Variants in CAMK2N2 observed in about 807,000 individuals in gnomAD.
CAMK2N2 encodes the protein calcium/calmodulin-dependent protein kinase II inhibitor 2.
In CAMK2N2, 3 loss-of-function variants were observed where a neutral mutation model predicts 7.8. The ratio of observed to expected loss-of-function variants is 0.38; its 90% confidence interval spans 0.18 to 0.99. CAMK2N2 has a LOEUF of 0.99. CAMK2N2 is among the 50% of genes least tolerant of loss of function. CAMK2N2 has a pLI of 0.37. For synonymous variants in CAMK2N2, 45 were observed against 46.6 expected (o/e 0.97, Z 0.14); for missense variants, 85 against 108.4 (o/e 0.78, Z 0.96).
Position 184,260,100 on chromosome 3 carries a change from C to T in CAMK2N2, c.*57G>A. 1 of 1,060,000 alleles carries T rather than the reference C, an allele frequency of 9.4e-7. No homozygotes were observed. Among genetic ancestry groups the T allele is most frequent in the Non-Finnish European group, 1.2e-6 (1 of 866,866 alleles). The allele number at this position is 1,060,000 out of a possible 1,614,324, so 65.7% of individuals were successfully genotyped here. A position where few individuals can be genotyped will look rare whatever the true frequency, so the allele number is the denominator to read the frequency against. ...GGGCGCCGGCAGCCGCATCGCCGGC[C>T]CGCGCTCCTGGCCGCTGCGAGGCTG... On this transcript the variant is annotated 3_prime_UTR_variant, in exon 2 of 2. Coordinates refer to ENST00000296238, the MANE Select transcript of CAMK2N2 (RefSeq NM_033259.3). The surrounding 1 kb of genome is among the most constrained non-coding windows in gnomAD (Gnocchi z 6.6).
rs941585117 is a variant in CAMK2N2 at position 184,259,789 on chromosome 3, CG to C, written c.*367del. On this transcript the variant is annotated 3_prime_UTR_variant, in exon 2 of 2. Coordinates refer to ENST00000296238, the MANE Select transcript of CAMK2N2 (RefSeq NM_033259.3). ...GCGCGGTCCGACACCGGCGGCCGCCCGGTCTGCAGACCAGACTGGCCGGAGG... is the reference window on the plus strand; with the variant it reads ...GCGCGGTCCGACACCGGCGGCCGCCCGTCTGCAGACCAGACTGGCCGGAGG... The C allele has an allele frequency of 8.2e-6, 1 of 121,562 alleles. No individual in the cohort carries two copies. Among genetic ancestry groups the C allele is most frequent in the Non-Finnish European group, 1.6e-5 (1 of 61,574 alleles). The allele number at this position is 121,562 out of a possible 1,614,324, so 7.5% of individuals were successfully genotyped here.
chr3:184,260,057 G>C lies in CAMK2N2; in HGVS notation c.*100C>G, dbSNP rs1719982773. The C allele has an allele frequency of 1.8e-6, 1 of 566,518 alleles. No homozygotes were observed. Among genetic ancestry groups the C allele is most frequent in the African/African-American group, 2.1e-5 (1 of 48,370 alleles). 35.1% of individuals were successfully genotyped at this position (566,518 alleles called of 1,614,324 possible). On this transcript the variant is annotated 3_prime_UTR_variant, in exon 2 of 2. Coordinates refer to ENST00000296238, the MANE Select transcript of CAMK2N2 (RefSeq NM_033259.3). The surrounding 1 kb of genome is among the most constrained non-coding windows in gnomAD (Gnocchi z 6.6). ...GGCCCTGCAGCCCCCGCCCGCGGGC[G>C]CCTGGGCCGGGGCGGGGGGGCGCCG... is the stretch of plus-strand genomic sequence containing the variant.
chr3:184,261,102 G>C lies in CAMK2N2; in HGVS notation c.169+15C>G. ...TTTCTGGGTCAGGCGGCGACTCCGG[G>C]CCCGGGCCGCGTACCTCGCTTGGCT... is the stretch of plus-strand genomic sequence containing the variant. On this transcript the variant is annotated intron_variant, in intron 1 of 1. Transcript: ENST00000296238. The surrounding 1 kb of genome is among the most constrained non-coding windows in gnomAD (Gnocchi z 5.1). 1 of 1,590,554 alleles carries C rather than the reference G, an allele frequency of 6.3e-7. No individual in the cohort carries two copies. The highest frequency in any genetic ancestry group is 1.7e-5 in the Admixed American group (1 of 58,348).
At position 184,261,366 on chromosome 3, in the gene CAMK2N2, C is replaced by T. The variant is rs1560174073; in HGVS notation, c.-81G>A. 2 of 1,213,062 alleles carry T rather than the reference C, an allele frequency of 1.6e-6. No homozygotes were observed. Among genetic ancestry groups the T allele is most frequent in the African/African-American group, 3.2e-5 (2 of 61,684 alleles). The allele number at this position is 1,213,062 out of a possible 1,614,324, so 75.1% of individuals were successfully genotyped here. On this transcript the variant is annotated 5_prime_UTR_variant, in exon 1 of 2. Coordinates refer to ENST00000296238, the MANE Select transcript of CAMK2N2 (RefSeq NM_033259.3). The surrounding 1 kb of genome is among the most constrained non-coding windows in gnomAD (Gnocchi z 5.1). ...CGGGCTTGCTGCCGGACCGGCCCTA[C>T]CTCAGCAGGGGAGCCGGCGGAAGGA...
At position 184,260,646 on chromosome 3, in the gene CAMK2N2, T is replaced by C. The variant is rs1485616198; in HGVS notation, c.170-419A>G. ...TCCTCAACCTGAGCCCTCTCGCCGCTGGAACCCCTCTTCCGATCCTGGCAC... is the reference window on the plus strand; with the variant it reads ...TCCTCAACCTGAGCCCTCTCGCCGCCGGAACCCCTCTTCCGATCCTGGCAC... On this transcript the variant is annotated intron_variant, in intron 1 of 1. Coordinates refer to ENST00000296238, the MANE Select transcript of CAMK2N2 (RefSeq NM_033259.3). This position sits in a 1 kb window ranked among gnomAD's most constrained non-coding sequence, Gnocchi z 6.6. 6.6e-6 allele frequency among the ~76,000 whole-genome samples: 1 copy of C among 152,058 alleles called. No homozygotes were observed. The highest frequency in any genetic ancestry group is 1.5e-5 in the Non-Finnish European group (1 of 67,994).
Position 184,260,263 on chromosome 3 carries a change from CGGG to C in CAMK2N2, c.170-39_170-37del. 1 of 1,593,586 alleles carries C rather than the reference CGGG, an allele frequency of 6.3e-7. No individual in the cohort carries two copies. The highest frequency in any genetic ancestry group is 8.6e-7 in the Non-Finnish European group (1 of 1,166,278). ...AGAAAGCGCGTCAGCCGCGCGGCCT[CGGG>C]GGGCGGCGGCGATGAGAATGAGCCC... On this transcript the variant is annotated intron_variant, in intron 1 of 1. Coordinates refer to ENST00000296238, the MANE Select transcript of CAMK2N2 (RefSeq NM_033259.3). This position sits in a 1 kb window ranked among gnomAD's most constrained non-coding sequence, Gnocchi z 6.6.
chr3:184,260,478 G>T lies in CAMK2N2; in HGVS notation c.170-251C>A, dbSNP rs73887422. ...CTCCAGCTATTCTCCCTCCCAGTGC[G>T]AGCCCTCCTGCCACCTGAGCCTTCC... On this transcript the variant is annotated intron_variant, in intron 1 of 1. Coordinates refer to ENST00000296238, the MANE Select transcript of CAMK2N2 (RefSeq NM_033259.3). The surrounding 1 kb of genome is among the most constrained non-coding windows in gnomAD (Gnocchi z 6.6). Among the ~76,000 whole-genome samples the T allele has an allele frequency of 2.3e-3, 357 of 152,242 alleles. 1 individual carries two copies. The highest frequency in any genetic ancestry group is 8.3e-3 in the African/African-American group (344 of 41,548).
In CAMK2N2 at chr3:184,261,208, GA is replaced by G; in HGVS notation, c.77del (p.Phe26SerfsTer33). On this transcript the variant is annotated frameshift_variant, in exon 1 of 2. Coordinates refer to ENST00000296238, the MANE Select transcript of CAMK2N2 (RefSeq NM_033259.3). LOFTEE classifies it high-confidence loss of function. The surrounding 1 kb of genome is among the most constrained non-coding windows in gnomAD (Gnocchi z 5.1). ...GADPEGSDLS[F>X]SCRLQDTNSF... ...AGTTGGTGTCCTGCAGGCGGCAGCTGAAGGAGAGGTCGGAGCCCTCGGGGTC... is the reference window on the plus strand; with the variant it reads ...AGTTGGTGTCCTGCAGGCGGCAGCTGAGGAGAGGTCGGAGCCCTCGGGGTC... 1 of 1,608,182 alleles carries G rather than the reference GA, an allele frequency of 6.2e-7. No homozygotes were observed. The highest frequency in any genetic ancestry group is 1.4e-5 in the African/African-American group (1 of 73,902).
rs942318200 is a variant in CAMK2N2, at chr3:184,259,733, T to C, written c.*424A>G. On this transcript the variant is annotated 3_prime_UTR_variant, in exon 2 of 2. Coordinates refer to ENST00000296238, the MANE Select transcript of CAMK2N2 (RefSeq NM_033259.3). ...TGGGCTCAAGTGGGTGGAAAGCTCA[T>C]GCAAGTACGCAGCCAAACATCCCTG... 2.0e-5 allele frequency: 3 copies of C among 151,478 alleles called. No homozygotes were observed. The highest frequency in any genetic ancestry group is 4.4e-5 in the Non-Finnish European group (3 of 67,958). 9.4% of individuals were successfully genotyped at this position (151,478 alleles called of 1,614,324 possible). A position where few individuals can be genotyped will look rare whatever the true frequency, so the allele number is the denominator to read the frequency against.
rs1361614158 is a variant in CAMK2N2, at chr3:184,259,517, TCA to T, written c.*638_*639del. 3.9e-5 allele frequency: 6 copies of T among 152,668 alleles called. No individual in the cohort carries two copies. Among genetic ancestry groups the T allele is most frequent in the African/African-American group, 1.4e-4 (6 of 41,410 alleles). The allele number at this position is 152,668 out of a possible 1,614,324, so 9.5% of individuals were successfully genotyped here. ...GTCGGGGGCTTGTCTCATCCCAGCC[TCA>T]ACACCCATCCTATCTGCCAGGCGCA... On this transcript the variant is annotated 3_prime_UTR_variant, in exon 2 of 2. Transcript: ENST00000296238.
chr3:184,261,109 CCGCGTACCT>C lies in CAMK2N2; in HGVS notation c.168_169+7del. ...GTCAGGCGGCGACTCCGGGCCCGGG[CCGCGTACCT>C]CGCTTGGCTCGGCCGATCTGGCCCA... On this transcript the variant is annotated splice_donor_variant and splice_donor_5th_base_variant and coding_sequence_variant and intron_variant, in exon 1 of 2. Coordinates refer to ENST00000296238, the MANE Select transcript of CAMK2N2 (RefSeq NM_033259.3). LOFTEE classifies it high-confidence loss of function. This position sits in a 1 kb window ranked among gnomAD's most constrained non-coding sequence, Gnocchi z 5.1. The C allele has an allele frequency of 6.3e-7, 1 of 1,594,070 alleles. No individual in the cohort carries two copies. The highest frequency in any genetic ancestry group is 8.5e-7 in the Non-Finnish European group (1 of 1,172,998).
chr3:184,261,101 G>T lies in CAMK2N2; in HGVS notation c.169+16C>A. The T allele has an allele frequency of 6.3e-7, 1 of 1,590,448 alleles. No individual in the cohort carries two copies. The highest frequency in any genetic ancestry group is 8.5e-7 in the Non-Finnish European group (1 of 1,171,796). On this transcript the variant is annotated intron_variant, in intron 1 of 1. Coordinates refer to ENST00000296238, the MANE Select transcript of CAMK2N2 (RefSeq NM_033259.3). The surrounding 1 kb of genome is among the most constrained non-coding windows in gnomAD (Gnocchi z 5.1). ...GTTTCTGGGTCAGGCGGCGACTCCG[G>T]GCCCGGGCCGCGTACCTCGCTTGGC...
At position 184,259,825 on chromosome 3, in the gene CAMK2N2, C is replaced by A. The variant is rs1257867128; in HGVS notation, c.*332G>T. On this transcript the variant is annotated 3_prime_UTR_variant, in exon 2 of 2. Transcript: ENST00000296238. ...CCAGACTGGCCGGAGGGGGGCGGGG[C>A]AGGGGAGCCGTGCGGGAGGGGGCGG... 1.9e-5 allele frequency: 1 copy of A among 51,816 alleles called. No individual in the cohort carries two copies. The highest frequency in any genetic ancestry group is 7.5e-5 in the African/African-American group (1 of 13,412). 3.2% of individuals were successfully genotyped at this position (51,816 alleles called of 1,614,324 possible). A position where few individuals can be genotyped will look rare whatever the true frequency, so the allele number is the denominator to read the frequency against.
rs898026992 is a variant in CAMK2N2 at position 184,260,295 on chromosome 3, G to C, written c.170-68C>G. 3 of 1,472,052 alleles carry C rather than the reference G, an allele frequency of 2.0e-6. No homozygotes were observed. The highest frequency in any genetic ancestry group is 2.8e-5 in the African/African-American group (2 of 71,804). The allele number at this position is 1,472,052 out of a possible 1,614,324, so 91.2% of individuals were successfully genotyped here. ...CGGCGGCGATGAGAATGAGCCCCGC[G>C]TCCTAGCTTCCCGCGCAGCTACTGC... On this transcript the variant is annotated intron_variant, in intron 1 of 1. Transcript: ENST00000296238. The surrounding 1 kb of genome is among the most constrained non-coding windows in gnomAD (Gnocchi z 6.6).
Position 184,260,763 on chromosome 3 carries a change from G to T in CAMK2N2, c.169+354C>A, listed in dbSNP as rs908862176. On this transcript the variant is annotated intron_variant, in intron 1 of 1. Coordinates refer to ENST00000296238, the MANE Select transcript of CAMK2N2 (RefSeq NM_033259.3). This position sits in a 1 kb window ranked among gnomAD's most constrained non-coding sequence, Gnocchi z 6.6. ...GTTAGACGTCCCTCTCGACCCGAAG[G>T]TTCTTCGTATTGTCCACCGACTCAG... Among the ~76,000 whole-genome samples the T allele has an allele frequency of 6.6e-6, 1 of 152,174 alleles. No homozygotes were observed. Among genetic ancestry groups the T allele is most frequent in the Admixed American group, 6.5e-5 (1 of 15,280 alleles).
chr3:184,260,476 G>T lies in CAMK2N2; in HGVS notation c.170-249C>A, dbSNP rs1295925553. Among the ~76,000 whole-genome samples, 1 of 152,088 alleles carries T rather than the reference G, an allele frequency of 6.6e-6. No homozygotes were observed. Among genetic ancestry groups the T allele is most frequent in the Non-Finnish European group, 1.5e-5 (1 of 68,014 alleles). On this transcript the variant is annotated intron_variant, in intron 1 of 1. Transcript: ENST00000296238. This position sits in a 1 kb window ranked among gnomAD's most constrained non-coding sequence, Gnocchi z 6.6. ...GGCTCCAGCTATTCTCCCTCCCAGTGCGAGCCCTCCTGCCACCTGAGCCTT... is the reference window on the plus strand; with the variant it reads ...GGCTCCAGCTATTCTCCCTCCCAGTTCGAGCCCTCCTGCCACCTGAGCCTT...
In CAMK2N2 at chr3:184,261,182, G is replaced by T. The variant is rs925992675; in HGVS notation, c.104C>A (p.Ser35Tyr). The change falls in exon 1 of 2, where the codon TCC (serine) becomes TAC (tyrosine). Residue 35 changes from serine to tyrosine, a missense_variant. Coordinates refer to ENST00000296238, the MANE Select transcript of CAMK2N2 (RefSeq NM_033259.3). The surrounding 1 kb of genome is among the most constrained non-coding windows in gnomAD (Gnocchi z 5.1). Reference sequence around the variant, plus strand: ...CTTGGCCTGGTTGCCCGCGAAGAAGGAGTTGGTGTCCTGCAGGCGGCAGCT... The same window carrying T: ...CTTGGCCTGGTTGCCCGCGAAGAAGTAGTTGGTGTCCTGCAGGCGGCAGCT... The part of the protein sequence containing the change: ...SFSCRLQDTN[S>Y]FFAGNQAKRP... 6 of 1,608,724 alleles carry T rather than the reference G, an allele frequency of 3.7e-6. No individual in the cohort carries two copies. The highest frequency in any genetic ancestry group is 5.1e-6 in the Non-Finnish European group (6 of 1,178,144).
chr3:184,260,459 C>G lies in CAMK2N2; in HGVS notation c.170-232G>C, dbSNP rs908905863. Among the ~76,000 whole-genome samples the G allele has an allele frequency of 6.6e-6, 1 of 152,340 alleles. No individual in the cohort carries two copies. The highest frequency in any genetic ancestry group is 1.9e-4 in the East Asian group (1 of 5,164). ...AACGCCCCTCTTCCAAAGGCTCCAG[C>G]TATTCTCCCTCCCAGTGCGAGCCCT... On this transcript the variant is annotated intron_variant, in intron 1 of 1. Transcript: ENST00000296238. The surrounding 1 kb of genome is among the most constrained non-coding windows in gnomAD (Gnocchi z 6.6).
chr3:184,260,988 C>CCG lies in CAMK2N2; in HGVS notation c.169+128_169+129insCG. On this transcript the variant is annotated intron_variant, in intron 1 of 1. Transcript: ENST00000296238. This position sits in a 1 kb window ranked among gnomAD's most constrained non-coding sequence, Gnocchi z 6.6. ...GCAGCGGGGACCCCCCCCTCCAGCCCGGGCTGGAGAGCGGCTGGTGCGCTG... is the reference window on the plus strand; with the variant it reads ...GCAGCGGGGACCCCCCCCTCCAGCCCCGGGGCTGGAGAGCGGCTGGTGCGCTG... 5.0e-6 allele frequency: 5 copies of CCG among 1,007,490 alleles called. No individual in the cohort carries two copies. Among genetic ancestry groups the CCG allele is most frequent in the African/African-American group, 1.7e-5 (1 of 57,630 alleles). 62.4% of individuals were successfully genotyped at this position (1,007,490 alleles called of 1,614,324 possible).
Sources: gnomAD v4.1 joint callset for allele counts (sites outside exome capture counted in the v4.1 genomes callset) on GRCh38, gnomAD v4.1.1 for gene constraint, Gnocchi (gnomAD v3.1) non-coding constraint, MANE v1.5 for transcripts, NCBI Gene and HGNC (gene_info 2026-07-23, HGNC 2026-07-21) for gene names.